Variants in LRP1B observed in about 807,000 individuals in gnomAD.
The protein encoded by LRP1B is low-density lipoprotein receptor-related protein 1B.
LRP1B carries 217 observed loss-of-function variants against 556.6 expected under a neutral mutation model. The observed-to-expected ratio is 0.39, with a 90% CI of 0.35 to 0.44. LRP1B has a LOEUF of 0.44. Among genes scored for constraint, LRP1B ranks in the 20% least tolerant of loss-of-function variants. The pLI is 1.00. For missense variants in LRP1B, 5,053 were observed against 5,620.8 expected, an observed-to-expected ratio of 0.90 and a Z score of 3.23; for synonymous variants, 2,047 against 1,865.8, an observed-to-expected ratio of 1.10 and a Z score of -2.50.
At chr2:140,645,767 T>G (rs1223966698) in intron 41 of LRP1B, among the ~76,000 whole-genome samples, 2 of 151,746 alleles carry the variant, frequency 1.3e-5, no homozygotes, top group African/African-American at 4.8e-5. Flanking sequence ...CTTGATCTCC[T>G]GAACTCGTGA....
rs147241505 is a variant in LRP1B at position 140,874,969 on chromosome 2, G to C, written c.4170-6706C>G. Among the ~76,000 whole-genome samples the C allele has an allele frequency of 2.0e-3, 305 of 151,482 alleles. 3 individuals carry two copies. Among genetic ancestry groups the C allele is most frequent in the African/African-American group, 7.1e-3 (291 of 41,240 alleles). On this transcript the variant is annotated intron_variant, in intron 25 of 90. Transcript: ENST00000389484. Reference sequence around the variant, plus strand: ...AGGAGCAGAGGTTGCAGTGAGCTGAGATCGTGCCATTGCCCTATACCCTGT... The same window carrying C: ...AGGAGCAGAGGTTGCAGTGAGCTGACATCGTGCCATTGCCCTATACCCTGT...
At chr2:140,341,806 C>A (rs1489366727) in intron 77 of LRP1B, among the ~76,000 whole-genome samples, 4 of 151,124 alleles carry the variant, frequency 2.6e-5, no homozygotes, top group Non-Finnish European at 5.9e-5. Context: ...TAAAGGATAT[C>A]CAGCAGAATA....
chr2:140,806,940 G>T (rs1001944613), intron 32 of LRP1B, among the ~76,000 whole-genome samples: 14 of 152,186 alleles, frequency 9.2e-5, no homozygotes, highest in African/African-American at 3.4e-4. Flanking sequence ...TCTCTTCAGT[G>T]TAAATACAAT....
chr2:141,065,085 T>G (rs1286244701), intron 7 of LRP1B, among the ~76,000 whole-genome samples: 1 of 151,916 alleles, frequency 6.6e-6, no homozygotes, highest in Non-Finnish European at 1.5e-5. Context: ...TTTGAAAAAC[T>G]TGTTATTTGG....
At chr2:141,030,407 C>T (rs187433966) in intron 11 of LRP1B, among the ~76,000 whole-genome samples, 25 of 151,882 alleles carry the variant, frequency 1.6e-4, no homozygotes, top group East Asian at 1.9e-4. Context: ...GAAATAATAG[C>T]GAGTTAAACC....
chr2:140,968,932 A>G (rs930623026), intron 18 of LRP1B, among the ~76,000 whole-genome samples: 23 of 152,232 alleles, frequency 1.5e-4, no homozygotes, highest in Non-Finnish European at 3.1e-4. Flanking sequence ...CATTTGCTGA[A>G]GAGTGCTTTA....
intron 5 of LRP1B, among the ~76,000 whole-genome samples, chr2:141,236,602 T>C (rs1683654874): frequency 6.6e-6 from 1 of 152,208 alleles, no homozygotes; most frequent in South Asian, 2.1e-4. Flanking sequence ...TTTTACTTTA[T>C]AAATGGTAGA....
chr2:141,337,368 A>G (rs1278102430), intron 3 of LRP1B, among the ~76,000 whole-genome samples: 1 of 152,222 alleles, frequency 6.6e-6, no homozygotes, highest in Non-Finnish European at 1.5e-5. Flanking sequence ...TGCAAGTCAT[A>G]TCATAGCATC....
rs183012726 is a variant in LRP1B at position 140,421,255 on chromosome 2, A to C, written c.10414+21249T>G. 3.0e-3 allele frequency among the ~76,000 whole-genome samples: 457 copies of C among 152,254 alleles called. 4 individuals are homozygous for C. Among genetic ancestry groups the C allele is most frequent in the Non-Finnish European group, 4.7e-3 (321 of 68,006 alleles). ...GGGCAACAAAGCAAGATTCTGTCTC[A>C]AAAAAACAAATAAATAAAAATAAAT... On this transcript the variant is annotated intron_variant, in intron 66 of 90. Transcript: ENST00000389484.
At chr2:140,570,719 AAGAAAGTAT>A (rs1323593516) in intron 43 of LRP1B, among the ~76,000 whole-genome samples, 2 of 151,850 alleles carry the variant, frequency 1.3e-5, no homozygotes, top group Admixed American at 6.6e-5. Flanking sequence ...CACCACAAAA[AAGAAAGTAT>A]AGACCCATAT....
At chr2:141,961,493 C>T (rs1574534821) in intron 1 of LRP1B, among the ~76,000 whole-genome samples, 1 of 151,620 alleles carries the variant, frequency 6.6e-6, no homozygotes, top group African/African-American at 2.4e-5. Context: ...CTCTTACACA[C>T]CTTTGACGTA....
In LRP1B at chr2:141,013,731, C is replaced by T. The variant is rs1488079543; in HGVS notation, c.2205G>A (p.Gly735=). 6.3e-7 allele frequency: 1 copy of T among 1,576,916 alleles called. No homozygotes were observed. Among genetic ancestry groups the T allele is most frequent in the Non-Finnish European group, 8.6e-7 (1 of 1,163,412 alleles). Residue 735 remains glycine (G), a synonymous_variant, in exon 14 of 91, where the codon GGG becomes GGA. Transcript: ENST00000389484. ...GTCCGAAAGGGTGGTTCAACTCTCT[C>T]CCACTGTAAACAATCTGTAAAATAT... ...NGTHRKIVYS[G]RELNHPFGLS...
At chr2:140,618,920 A>T (rs146914750) in intron 41 of LRP1B, among the ~76,000 whole-genome samples, 4 of 152,184 alleles carry the variant, frequency 2.6e-5, no homozygotes, top group African/African-American at 9.6e-5. Context: ...TTGTTCGTAA[A>T]ATGGGACCTC....
At chr2:141,611,891 T>C (rs1474189032) in intron 2 of LRP1B, among the ~76,000 whole-genome samples, 1 of 152,198 alleles carries the variant, frequency 6.6e-6, no homozygotes, top group East Asian at 1.9e-4. Flanking sequence ...CCCGATTTAA[T>C]GGGAATTTCT....
intron 27 of LRP1B, among the ~76,000 whole-genome samples, chr2:140,865,851 C>T (rs536830478): frequency 6.6e-6 from 1 of 151,948 alleles, no homozygotes; most frequent in Non-Finnish European, 1.5e-5. Context: ...AAGGATGCCT[C>T]CCCCCACCAA....
intron 41 of LRP1B, among the ~76,000 whole-genome samples, chr2:140,615,760 C>T (rs1359961915): frequency 2.6e-4 from 1 of 3,902 alleles, no homozygotes; most frequent in Non-Finnish European, 7.5e-4. Flanking sequence ...ACCTTCTCAA[C>T]ATGCCTTCCT....
chr2:141,444,230 T>C (rs910500750), intron 3 of LRP1B, among the ~76,000 whole-genome samples: 1 of 152,186 alleles, frequency 6.6e-6, no homozygotes, highest in African/African-American at 2.4e-5. Flanking sequence ...TGGCTCTCTG[T>C]TTGTCTATTA....
At chr2:141,119,856 A>G (rs192319558) in intron 7 of LRP1B, among the ~76,000 whole-genome samples, 77 of 151,966 alleles carry the variant, frequency 5.1e-4, no homozygotes, top group Admixed American at 3.2e-3. Flanking sequence ...ACTTGGCCTA[A>G]GAAGGGTCTT....
chr2:141,759,313 C>G (rs1225472052), intron 2 of LRP1B, among the ~76,000 whole-genome samples: 2 of 152,086 alleles, frequency 1.3e-5, no homozygotes, highest in Non-Finnish European at 2.9e-5. Flanking sequence ...AGAAGGGCAA[C>G]ATTTATTATA....
Sources: gnomAD v4.1 joint callset for allele counts (sites outside exome capture counted in the v4.1 genomes callset) on GRCh38, gnomAD v4.1.1 for gene constraint, MANE v1.5 for transcripts, NCBI Gene and HGNC (gene_info 2026-07-23, HGNC 2026-07-21) for gene names.